Variants in C2CD5 observed in about 807,000 individuals in gnomAD.
The protein encoded by C2CD5 is C2 domain-containing protein 5.
A neutral mutation model predicts 130.3 loss-of-function variants in C2CD5; 109 were observed. The ratio of observed to expected loss-of-function variants is 0.84; its 90% CI spans 0.72 to 0.98. C2CD5 has a LOEUF of 0.98. C2CD5 is among the 50% of genes least tolerant of loss of function. C2CD5 has a pLI of 0.00. For synonymous variants in C2CD5, 454 were observed against 429.2 expected, an observed-to-expected ratio of 1.06 and a Z score of -0.71; for missense variants, 996 against 1,261.8, an observed-to-expected ratio of 0.79 and a Z score of 3.19.
rs1382389638 is a variant in C2CD5 at position 22,472,327 on chromosome 12, C to T, written c.2128G>A (p.Glu710Lys). Residue 710 changes from glutamate (E) to lysine (K), a missense_variant, in exon 18 of 27, where the codon GAA becomes AAA. Around this residue, in one of 9 missense-constraint regions of C2CD5, gnomAD observed 590 missense variants for 631.4 expected, o/e 0.93. Transcript: ENST00000446597. Reference sequence around the variant, plus strand: ...CAATTATTTATACCGGGCATAATTTCTGTATTACAACTATAAAAGCCTGTC... The same window carrying T: ...CAATTATTTATACCGGGCATAATTTTTGTATTACAACTATAAAAGCCTGTC... The part of the protein sequence containing the change: ...PPSGFYSCNT[E>K]IMPGINNWTS... The T allele has an allele frequency of 6.7e-7, 1 of 1,486,636 alleles. No homozygotes were observed. Among genetic ancestry groups the T allele is most frequent in the Admixed American group, 1.9e-5 (1 of 51,706 alleles). The allele number at this position is 1,486,636 out of a possible 1,614,324, so 92.1% of individuals were successfully genotyped here.
Position 22,475,950 on chromosome 12 carries a change from T to C in C2CD5, c.1903-1059A>G, listed in dbSNP as rs372025724. 5.2e-4 allele frequency among the ~76,000 whole-genome samples: 79 copies of C among 152,244 alleles called. 1 individual carries two copies. Among genetic ancestry groups the C allele is most frequent in the African/African-American group, 1.8e-3 (76 of 41,576 alleles). ...ACAGTGCAACGTTATTCCCACTAGA[T>C]ACCACACTACTTTTTATAATTTTAC... On this transcript the variant is annotated intron_variant, in intron 15 of 26. Transcript: ENST00000446597.
intron 5 of C2CD5, among the ~76,000 whole-genome samples, chr12:22,525,042 C>T (rs755988440): frequency 6.6e-6 from 1 of 152,166 alleles, no homozygotes; most frequent in Non-Finnish European, 1.5e-5. Context: ...TACTTCTGTA[C>T]ACCACATAGC....
At chr12:22,522,237 A>G (rs1485657233) in intron 7 of C2CD5, among the ~76,000 whole-genome samples, 2 of 152,150 alleles carry the variant, frequency 1.3e-5, no homozygotes, top group East Asian at 3.9e-4. Flanking sequence ...GTGGTCTTCA[A>G]CCGAAGTACT....
rs753850592 is a variant in C2CD5, at chr12:22,454,043, C to T, written c.2878-1G>A. ...GGAGAAAACCACTGACTCCTCCTTC[C>T]TAAATAATAGTGCACAGGAAAATCA... On this transcript the variant is annotated splice_acceptor_variant, in intron 25 of 26. Coordinates refer to ENST00000446597, the MANE Select transcript of C2CD5 (RefSeq NM_001286176.2). LOFTEE classifies it high-confidence loss of function. 1 of 1,612,392 alleles carries T rather than the reference C, an allele frequency of 6.2e-7. No homozygotes were observed. The highest frequency in any genetic ancestry group is 1.1e-5 in the South Asian group (1 of 91,042).
intron 13 of C2CD5, among the ~76,000 whole-genome samples, chr12:22,483,253 T>C (rs1397454488): frequency 6.6e-6 from 1 of 152,036 alleles, no homozygotes; most frequent in East Asian, 1.9e-4. Flanking sequence ...AATGAAATAA[T>C]GACCAAAATC....
chr12:22,505,982 G>A (rs1167585420), intron 10 of C2CD5, among the ~76,000 whole-genome samples: 5 of 152,100 alleles, frequency 3.3e-5, no homozygotes, highest in Admixed American at 1.3e-4. Context: ...TCTGGGTTCT[G>A]TGTCTCCTGA....
intron 12 of C2CD5, among the ~76,000 whole-genome samples, chr12:22,486,186 GAAA>G (rs35716305): frequency 4.5e-5 from 5 of 111,374 alleles, no homozygotes; most frequent in Non-Finnish European, 3.9e-5. Context: ...GGCTTGAATG[GAAA>G]AAAAAAAAAA....
intron 16 of C2CD5, among the ~76,000 whole-genome samples, chr12:22,474,384 A>G (rs1347068709): frequency 6.6e-6 from 1 of 152,318 alleles, no homozygotes; most frequent in South Asian, 2.1e-4. Context: ...ATTATACTAA[A>G]AAATGTTATA....
chr12:22,494,349 C>A lies in C2CD5; in HGVS notation c.1148-1012G>T, dbSNP rs1045032646. Among the ~76,000 whole-genome samples, 9 of 151,794 alleles carry A rather than the reference C, an allele frequency of 5.9e-5. No individual in the cohort carries two copies. The South Asian group carries it at 1.7e-3, about 28-fold the overall frequency. On this transcript the variant is annotated intron_variant, in intron 10 of 26. Transcript: ENST00000446597. ...AAAAGCCACTATTAAATCTAAAAACCAAAAAATCCAAAGTTTCTATTTTTG... is the reference window on the plus strand; with the variant it reads ...AAAAGCCACTATTAAATCTAAAAACAAAAAAATCCAAAGTTTCTATTTTTG...
chr12:22,488,230 T>A (rs1945828177), intron 12 of C2CD5, among the ~76,000 whole-genome samples: 1 of 151,794 alleles, frequency 6.6e-6, no homozygotes, highest in Non-Finnish European at 1.5e-5. Context: ...CAAATGAGGA[T>A]AAGAATTTCT....
intron 2 of C2CD5, 24 bp from the exon 3 acceptor site, chr12:22,535,368 C>T (rs1274645940): frequency 1.6e-6 from 2 of 1,224,558 alleles, no homozygotes; most frequent in Non-Finnish European, 2.4e-6. Context: ...AGAAATTATT[C>T]ACATATGAAT....
At chr12:22,539,453 A>G (rs1186767437) in intron 2 of C2CD5, among the ~76,000 whole-genome samples, 1 of 151,874 alleles carries the variant, frequency 6.6e-6, no homozygotes, top group East Asian at 1.9e-4. Context: ...CCCTTCCCCT[A>G]AGTCACAGGT....
At chr12:22,542,201 G>A (rs1255476561) in intron 2 of C2CD5, among the ~76,000 whole-genome samples, 1 of 152,118 alleles carries the variant, frequency 6.6e-6, no homozygotes, top group Non-Finnish European at 1.5e-5. Flanking sequence ...ATCCTATAAA[G>A]AAACAAACTA....
chr12:22,516,060 AAAC>A (rs1258377193), intron 8 of C2CD5, among the ~76,000 whole-genome samples: 1 of 151,812 alleles, frequency 6.6e-6, no homozygotes, highest in Non-Finnish European at 1.5e-5. Context: ...AAAAAAAAAA[AAAC>A]AACTTTCTCA....
chr12:22,458,533 C>A lies in C2CD5; in HGVS notation c.2637G>T (p.Glu879Asp). 7.6e-7 allele frequency: 1 copy of A among 1,310,212 alleles called. No homozygotes were observed. Among genetic ancestry groups the A allele is most frequent in the Non-Finnish European group, 9.7e-7 (1 of 1,027,034 alleles). 81.2% of individuals were successfully genotyped at this position (1,310,212 alleles called of 1,614,324 possible). Residue 879 changes from glutamate (E) to aspartate (D), a missense_variant, in exon 24 of 27, where the codon GAG becomes GAT. This residue lies in a region of C2CD5 where 590 missense variants were observed against 631.4 expected (regional missense o/e 0.93). Transcript: ENST00000446597. ...TGGTCTGAGCTTTCAGTTTAATGAG[C>A]TCTATCCAGCTGCTGCATCTGTCTG... ...SFADRCSSWIELIKLKAQTIR... is the reference protein window; with the variant it reads ...SFADRCSSWIDLIKLKAQTIR...
chr12:22,538,565 T>C (rs1592048538), intron 2 of C2CD5, among the ~76,000 whole-genome samples: 1 of 152,202 alleles, frequency 6.6e-6, no homozygotes, highest in Middle Eastern at 3.4e-3. Context: ...TTAACGGAGG[T>C]TGTTAAGACA....
chr12:22,538,644 C>A (rs531525885), intron 2 of C2CD5, among the ~76,000 whole-genome samples: 1 of 152,338 alleles, frequency 6.6e-6, no homozygotes, highest in East Asian at 1.9e-4. Flanking sequence ...CCTTTCCTAG[C>A]CAGATTTATT....
chr12:22,533,092 G>C (rs905497845), intron 3 of C2CD5, among the ~76,000 whole-genome samples: 4 of 151,822 alleles, frequency 2.6e-5, no homozygotes, highest in South Asian at 2.1e-4. Flanking sequence ...CAGTGAAGAA[G>C]AACAAAAAAA....
At chr12:22,491,709 T>C (rs897484039) in intron 11 of C2CD5, among the ~76,000 whole-genome samples, 10 of 151,782 alleles carry the variant, frequency 6.6e-5, no homozygotes, top group African/African-American at 1.9e-4. Flanking sequence ...CCATCTCTAC[T>C]AAAAATATGA....
Sources: gnomAD v4.1 joint callset for allele counts (sites outside exome capture counted in the v4.1 genomes callset) on GRCh38, gnomAD v4.1.1 for gene constraint, gnomAD v4.1.1 regional missense constraint, MANE v1.5 for transcripts, NCBI Gene and HGNC (gene_info 2026-07-23, HGNC 2026-07-21) for gene names.